The following CABLES1 variants were observed in gnomAD, a reference collection of about 807,000 sequenced individuals.
CABLES1 encodes Cdk5 and Abl enzyme substrate 1.
In CABLES1, 36 loss-of-function variants were observed where a neutral mutation model predicts 57.8. The observed-to-expected ratio is 0.62, with a 90% CI of 0.48 to 0.82. The LOEUF is 0.82. CABLES1 is among the 40% of genes least tolerant of loss of function. CABLES1 has a pLI of 0.00. For missense variants in CABLES1, 767 were observed against 836.6 expected, an observed-to-expected ratio of 0.92 and a Z score of 1.03; for synonymous variants, 374 against 363.0, an observed-to-expected ratio of 1.03 and a Z score of -0.35.
At chr18:23,220,160 T>C (rs2047476016) in intron 4 of CABLES1, among the ~76,000 whole-genome samples, 1 of 152,216 alleles carries the variant, frequency 6.6e-6, no homozygotes, top group South Asian at 2.1e-4. Context: ...GTCTCCAGCA[T>C]GCTCTTCCTT....
intron 7 of CABLES1, among the ~76,000 whole-genome samples, chr18:23,251,811 C>T (rs187034766): frequency 9.9e-5 from 15 of 152,248 alleles, no homozygotes; most frequent in East Asian, 7.7e-4. Flanking sequence ...GTAGGCCAGG[C>T]GCGGTGGCTC....
At chr18:23,155,805 CAG>C in intron 1 of CABLES1, 1 of 1,591,562 alleles carries the variant, frequency 6.3e-7, no homozygotes, top group Admixed American at 1.8e-5. Context: ...TTGGTCTCAA[CAG>C]TGCTTGCTTA....
At chr18:23,207,234 C>T (rs767254431) in intron 3 of CABLES1, among the ~76,000 whole-genome samples, 2 of 152,212 alleles carry the variant, frequency 1.3e-5, no homozygotes, top group Admixed American at 6.5e-5. Context: ...TGGCGAACAG[C>T]CTGCCAGCCC....
intron 2 of CABLES1, among the ~76,000 whole-genome samples, chr18:23,192,937 A>G (rs1434115582): frequency 6.6e-6 from 1 of 152,044 alleles, no homozygotes; most frequent in Non-Finnish European, 1.5e-5. Context: ...CACACCTATA[A>G]TCCCAGCACT....
chr18:23,144,681 G>T (rs1296782394), intron 1 of CABLES1, among the ~76,000 whole-genome samples: 1 of 152,242 alleles, frequency 6.6e-6, no homozygotes, highest in Non-Finnish European at 1.5e-5. Flanking sequence ...TCTAGAGCTA[G>T]AATTGAACTT....
At chr18:23,139,747 G>A (rs2144946509) in intron 1 of CABLES1, among the ~76,000 whole-genome samples, 1 of 152,266 alleles carries the variant, frequency 6.6e-6, no homozygotes, top group African/African-American at 2.4e-5. Flanking sequence ...CTACTGAGAG[G>A]CACATATGAT....
chr18:23,189,719 G>T (rs975211815), intron 2 of CABLES1, among the ~76,000 whole-genome samples: 2 of 152,230 alleles, frequency 1.3e-5, no homozygotes, highest in African/African-American at 4.8e-5. Flanking sequence ...TGCACCGTGC[G>T]TGCCTTGGCC....
chr18:23,177,936 G>A (rs1294789072), intron 1 of CABLES1, among the ~76,000 whole-genome samples: 1 of 152,196 alleles, frequency 6.6e-6, no homozygotes, highest in African/African-American at 2.4e-5. Flanking sequence ...GAGAACGCCT[G>A]GATTTGATTC....
intron 1 of CABLES1, among the ~76,000 whole-genome samples, chr18:23,148,562 G>A (rs779190128): frequency 6.6e-6 from 1 of 152,202 alleles, no homozygotes; most frequent in Non-Finnish European, 1.5e-5. Flanking sequence ...GGCAAGTGTG[G>A]CCTTGTTCAG....
chr18:23,171,690 G>C (rs1010732906), intron 1 of CABLES1, among the ~76,000 whole-genome samples: 2 of 152,048 alleles, frequency 1.3e-5, no homozygotes, highest in African/African-American at 2.4e-5. Flanking sequence ...GCCACCCTCT[G>C]ATAACCCTCG....
At chr18:23,151,730 G>A (rs1317471574) in intron 1 of CABLES1, among the ~76,000 whole-genome samples, 3 of 152,186 alleles carry the variant, frequency 2.0e-5, no homozygotes, top group African/African-American at 7.2e-5. Context: ...GCTGAACTAA[G>A]GTCTAAGAGT....
intron 4 of CABLES1, among the ~76,000 whole-genome samples, chr18:23,216,571 T>G (rs2047443705): frequency 6.6e-6 from 1 of 152,216 alleles, no homozygotes; most frequent in South Asian, 2.1e-4. Flanking sequence ...TGTGAAGAAC[T>G]TGGGAGATTT....
chr18:23,212,630 G>A (rs76702321), intron 3 of CABLES1, among the ~76,000 whole-genome samples: 2,328 of 152,280 alleles, frequency 0.015, 47 homozygotes, highest in African/African-American at 0.054. Flanking sequence ...TAATACCCAT[G>A]CATAGATGGA....
chr18:23,238,413 G>A (rs1227447599), intron 7 of CABLES1, among the ~76,000 whole-genome samples: 1 of 152,226 alleles, frequency 6.6e-6, no homozygotes. Flanking sequence ...AGTCATTGGA[G>A]AATTTATTCA....
chr18:23,204,868 C>T (rs1446895101), intron 3 of CABLES1, among the ~76,000 whole-genome samples: 1 of 152,232 alleles, frequency 6.6e-6, no homozygotes, highest in African/African-American at 2.4e-5. Flanking sequence ...AAACTGTCCC[C>T]ATGATTCAGT....
intron 1 of CABLES1, among the ~76,000 whole-genome samples, chr18:23,174,889 C>G (rs911706743): frequency 7.2e-6 from 1 of 138,500 alleles, no homozygotes; most frequent in African/African-American, 2.7e-5. Flanking sequence ...AAAATAAACT[C>G]GATAGCTTTC....
chr18:23,158,504 T>C (rs1241736508), intron 1 of CABLES1, among the ~76,000 whole-genome samples: 1 of 152,214 alleles, frequency 6.6e-6, no homozygotes, highest in Non-Finnish European at 1.5e-5. Context: ...GGAAAATATA[T>C]AGTACGGTTG....
intron 4 of CABLES1, among the ~76,000 whole-genome samples, chr18:23,227,374 C>T (rs1051241097): frequency 6.6e-6 from 1 of 152,172 alleles, no homozygotes; most frequent in East Asian, 1.9e-4. Flanking sequence ...TCATGGATGA[C>T]TCATGCCATT....
chr18:23,167,885 G>A (rs1221942883), intron 1 of CABLES1, among the ~76,000 whole-genome samples: 1 of 152,234 alleles, frequency 6.6e-6, no homozygotes, highest in East Asian at 1.9e-4. Flanking sequence ...GAAGGAGACA[G>A]GGCATGCAGG....
Sources: gnomAD v4.1 joint callset for allele counts (sites outside exome capture counted in the v4.1 genomes callset) on GRCh38, gnomAD v4.1.1 for gene constraint, MANE v1.5 for transcripts, NCBI Gene and HGNC (gene_info 2026-07-23, HGNC 2026-07-21) for gene names.